Variants in FAM222B observed in about 807,000 individuals in gnomAD.
The protein encoded by FAM222B is family with sequence similarity 222 member B.
A neutral mutation model predicts 38.0 loss-of-function variants in FAM222B; 12 were observed. The observed-to-expected ratio is 0.32, with a 90% CI of 0.20 to 0.51. The LOEUF is 0.51. FAM222B is among the 20% of genes least tolerant of loss of function. The pLI is 0.97. For synonymous variants in FAM222B, 329 were observed against 317.2 expected (o/e 1.04, Z -0.40); for missense variants, 716 against 754.2 (o/e 0.95, Z 0.59).
chr17:28,827,187 T>C (rs1007108565), intron 1 of FAM222B, among the ~76,000 whole-genome samples: 1 of 151,518 alleles, frequency 6.6e-6, no homozygotes, highest in Admixed American at 6.6e-5. Flanking sequence ...TGAAACCCCA[T>C]CTCCACAAAA....
Position 28,776,371 on chromosome 17 carries a change from G to A in FAM222B, c.-40-9664C>T, listed in dbSNP as rs1459032603. On this transcript the variant is annotated intron_variant, in intron 1 of 2. Transcript: ENST00000581407. ...AGCCTGGGCAACAGAGCGAGACTCC[G>A]TCTCAAAAAAAAAAAAAAAAAAAAG... Among the ~76,000 whole-genome samples, 30 of 99,800 alleles carry A rather than the reference G, an allele frequency of 3.0e-4. No homozygotes were observed. In the South Asian group the frequency reaches 9.7e-3, roughly 32 times the overall value. The allele number at this position is 99,800 out of a possible 152,430, so 65.5% of individuals were successfully genotyped here.
At chr17:28,816,909 C>A (rs576524700) in intron 1 of FAM222B, among the ~76,000 whole-genome samples, 13 of 152,178 alleles carry the variant, frequency 8.5e-5, no homozygotes, top group African/African-American at 2.6e-4. Flanking sequence ...TAACTGGCTG[C>A]ACTTTCTGTT....
At chr17:28,799,797 C>CA (rs1157293885) in intron 1 of FAM222B, among the ~76,000 whole-genome samples, 1 of 152,064 alleles carries the variant, frequency 6.6e-6, no homozygotes, top group Non-Finnish European at 1.5e-5. Flanking sequence ...TTTGTAGAAA[C>CA]AAGATCTCGG....
At chr17:28,786,457 T>C (rs905979739) in intron 1 of FAM222B, among the ~76,000 whole-genome samples, 2 of 152,204 alleles carry the variant, frequency 1.3e-5, no homozygotes, top group Non-Finnish European at 2.9e-5. Flanking sequence ...AATGATGGAA[T>C]AGTTACCTCT....
At chr17:28,798,117 G>C (rs1036629025) in intron 1 of FAM222B, among the ~76,000 whole-genome samples, 1 of 152,154 alleles carries the variant, frequency 6.6e-6, no homozygotes, top group Admixed American at 6.6e-5. Context: ...TAGGTCAGGC[G>C]CGGTGGTTCA....
At position 28,759,888 on chromosome 17, in the gene FAM222B, G is replaced by A; in HGVS notation, c.83-12C>T. 6.6e-7 allele frequency: 1 copy of A among 1,507,220 alleles called. No individual in the cohort carries two copies. Among genetic ancestry groups the A allele is most frequent in the South Asian group, 1.3e-5 (1 of 76,376 alleles). 93.4% of individuals were successfully genotyped at this position (1,507,220 alleles called of 1,614,324 possible). A position where few individuals can be genotyped will look rare whatever the true frequency, so the allele number is the denominator to read the frequency against. ...CTGTGTAGTGTCCCCTAGAGAGAGAGAATGGGAAGGAGAGCAAAGAGGGAG... is the reference window on the plus strand; with the variant it reads ...CTGTGTAGTGTCCCCTAGAGAGAGAAAATGGGAAGGAGAGCAAAGAGGGAG... On this transcript the variant is annotated splice_polypyrimidine_tract_variant and intron_variant, in intron 2 of 2. Transcript: ENST00000581407. The surrounding 1 kb of genome is among the most constrained non-coding windows in gnomAD (Gnocchi z 4.8).
At chr17:28,809,985 G>T (rs1415745809) in intron 1 of FAM222B, among the ~76,000 whole-genome samples, 2 of 150,602 alleles carry the variant, frequency 1.3e-5, no homozygotes, top group Non-Finnish European at 3.0e-5. Context: ...CCTCCAACTG[G>T]TTTTTTTTTG....
intron 1 of FAM222B, among the ~76,000 whole-genome samples, chr17:28,812,708 G>A (rs1461864428): frequency 1.3e-5 from 2 of 151,894 alleles, no homozygotes; most frequent in Admixed American, 1.3e-4. Flanking sequence ...GCATCCCGTA[G>A]CTGGGCCAGG....
intron 2 of FAM222B, among the ~76,000 whole-genome samples, chr17:28,765,274 C>G (rs141231272): frequency 6.6e-6 from 1 of 152,210 alleles, no homozygotes; most frequent in Non-Finnish European, 1.5e-5. Context: ...CAGGGGCTGG[C>G]AAACGACAGC....
chr17:28,836,259 A>G (rs2038842852), intron 1 of FAM222B, among the ~76,000 whole-genome samples: 1 of 149,032 alleles, frequency 6.7e-6, no homozygotes, highest in South Asian at 2.3e-4. Flanking sequence ...AAGTGCTGGG[A>G]TTACAGGCAT....
At chr17:28,798,975 G>T (rs66531973) in intron 1 of FAM222B, among the ~76,000 whole-genome samples, 27,795 of 144,996 alleles carry the variant, frequency 0.19, 2,730 homozygotes, top group South Asian at 0.3. Flanking sequence ...GAATCCTGTT[G>T]TTTTTTTTTT....
chr17:28,802,946 T>C (rs930810026), intron 1 of FAM222B: 1 of 152,190 alleles, frequency 6.6e-6, no homozygotes, highest in African/African-American at 2.4e-5. Context: ...CTCTGATTAT[T>C]AGCAAGTATT....
Position 28,848,132 on chromosome 17 carries a change from C to T in FAM222B, c.-41+6818G>A, listed in dbSNP as rs2039158138. Among the ~76,000 whole-genome samples, 3 of 152,052 alleles carry T rather than the reference C, an allele frequency of 2.0e-5. No homozygotes were observed. In the South Asian group the frequency reaches 6.2e-4, roughly 31 times the overall value. ...AGGAGCGAATAAATGACATCTTTCT[C>T]TGGGTTGGCTCTCCCCTTCTGGTAT... is the stretch of plus-strand genomic sequence containing the variant. On this transcript the variant is annotated intron_variant, in intron 1 of 2. Coordinates refer to the FAM222B transcript ENST00000577513.
chr17:28,800,982 AC>A (rs975594136), intron 1 of FAM222B, among the ~76,000 whole-genome samples: 42 of 150,950 alleles, frequency 2.8e-4, no homozygotes, highest in African/African-American at 7.3e-4. Flanking sequence ...ACATGGTGAA[AC>A]CCCATCTCTA....
At chr17:28,795,077 A>ACAGGGTTTCGCC (rs2036873999) in intron 1 of FAM222B, among the ~76,000 whole-genome samples, 1 of 150,570 alleles carries the variant, frequency 6.6e-6, no homozygotes, top group Non-Finnish European at 1.5e-5. Context: ...TGGGCAATAG[A>ACAGGGTTTCGCC]GTGAGACCCT....
chr17:28,815,371 GC>G (rs1006188402), intron 1 of FAM222B, among the ~76,000 whole-genome samples: 2 of 152,030 alleles, frequency 1.3e-5, no homozygotes, highest in African/African-American at 4.8e-5. Context: ...CTGCCACCAA[GC>G]CCAGCTAATT....
rs1045298892 is a variant in FAM222B, at chr17:28,759,095, A to G, written c.864T>C (p.Cys288=). The part of the protein sequence containing the change: ...TRAGISTTSV[C]EGQIANPSPI... ...GGCTGGGGTTGGCGATCTGGCCCTC[A>G]CACACTGAGGTAGTGCTGATGCCTG... The change falls in exon 3 of 3, where the codon TGT becomes TGC. Residue 288 remains cysteine (C), a synonymous_variant. Coordinates refer to ENST00000581407, the MANE Select transcript of FAM222B (RefSeq NM_001077498.3). This position sits in a 1 kb window ranked among gnomAD's most constrained non-coding sequence, Gnocchi z 4.8. The G allele has an allele frequency of 1.1e-5, 18 of 1,611,660 alleles. No homozygotes were observed. The Middle Eastern group carries it at 1.7e-3, about 148-fold the overall frequency.
chr17:28,765,707 T>C (rs1053053603), intron 2 of FAM222B, among the ~76,000 whole-genome samples: 3 of 152,164 alleles, frequency 2.0e-5, no homozygotes, highest in Non-Finnish European at 4.4e-5. Context: ...ATATGAAGTA[T>C]AAAACCCCAA....
In FAM222B at chr17:28,854,133, C is replaced by A. The variant is rs181724314; in HGVS notation, c.-41+817G>T. 3.9e-4 allele frequency among the ~76,000 whole-genome samples: 60 copies of A among 152,098 alleles called. 1 individual carries two copies. In the East Asian group the frequency reaches 0.01, roughly 27 times the overall value. On this transcript the variant is annotated intron_variant, in intron 1 of 2. Transcript: ENST00000577513. ...TAATTTTTTGTATTTTTAGTAGAGACCGGGTTTCACCGTATTAGCCAGGAT... is the reference window on the plus strand; with the variant it reads ...TAATTTTTTGTATTTTTAGTAGAGAACGGGTTTCACCGTATTAGCCAGGAT...
Sources: gnomAD v4.1 joint callset for allele counts (sites outside exome capture counted in the v4.1 genomes callset) on GRCh38, gnomAD v4.1.1 for gene constraint, Gnocchi (gnomAD v3.1) non-coding constraint, MANE v1.5 for transcripts, NCBI Gene and HGNC (gene_info 2026-07-23, HGNC 2026-07-21) for gene names.